Variants in GLG1 observed in about 807,000 individuals in gnomAD.
The protein encoded by GLG1 is Golgi apparatus protein 1.
A neutral mutation model predicts 160.5 loss-of-function variants in GLG1; 38 were observed. That is an observed-to-expected ratio of 0.24 (90% CI 0.18 to 0.31). The LOEUF (loss-of-function observed/expected upper bound fraction) is 0.31, where lower values mean the gene tolerates loss of function less well. Among genes scored for constraint, GLG1 ranks in the 10% least tolerant of loss-of-function variants. GLG1 has a pLI of 1.00. For synonymous variants in GLG1, 644 were observed against 543.4 expected (o/e 1.19, Z -2.57); for missense variants, 1,373 against 1,505.2 (o/e 0.91, Z 1.45).
chr16:74,606,982 T>C lies in GLG1; in HGVS notation c.113A>G (p.Gln38Arg). The change falls in exon 1 of 26, where the codon CAG becomes CGG. Residue 38 changes from glutamine to arginine, a missense_variant. Transcript: ENST00000422840. ...EKLPGQGVHS[Q>R]GQGPGANFVS... ...AAAGTTGGCCCCGGGACCCTGGCCC[T>C]GGCTGTGGACGCCCTGGCCGGGGAG... 2 of 1,607,868 alleles carry C rather than the reference T, an allele frequency of 1.2e-6. No individual in the cohort carries two copies. Among genetic ancestry groups the C allele is most frequent in the African/African-American group, 2.7e-5 (2 of 75,038 alleles).
chr16:74,540,768 T>C (rs567980118), intron 1 of GLG1, among the ~76,000 whole-genome samples: 16 of 151,972 alleles, frequency 1.1e-4, no homozygotes, highest in African/African-American at 3.4e-4. Flanking sequence ...CAAATGCTTG[T>C]TCAGATTCCA....
At chr16:74,603,308 G>A (rs910484858) in intron 1 of GLG1, among the ~76,000 whole-genome samples, 2 of 151,166 alleles carry the variant, frequency 1.3e-5, no homozygotes, top group African/African-American at 4.9e-5. Context: ...TACTTGGGAC[G>A]CTGAGGCAGA....
At chr16:74,462,379 T>G in intron 21 of GLG1, 109 bp downstream of exon 21, 2 of 1,079,260 alleles carry the variant, frequency 1.9e-6, no homozygotes, top group South Asian at 1.5e-5. Context: ...CGGGAAGATA[T>G]GAAAAAGGTC....
intron 1 of GLG1, among the ~76,000 whole-genome samples, chr16:74,592,589 G>A (rs965158147): frequency 6.6e-6 from 1 of 152,132 alleles, no homozygotes; most frequent in Non-Finnish European, 1.5e-5. Context: ...TAACAACAAA[G>A]GGGAAAGGGA....
chr16:74,461,382 T>A (rs2143173470), intron 22 of GLG1: 1 of 150,838 alleles, frequency 6.6e-6, no homozygotes, highest in East Asian at 2.0e-4. Context: ...TTAGCCAGGA[T>A]GGTCTCAATC....
In GLG1 at chr16:74,449,033, G is replaced by T; in HGVS notation, c.*4134C>A. On this transcript the variant is annotated 3_prime_UTR_variant, in exon 26 of 26. Transcript: ENST00000422840. ...GGACAATCGCTTGAACCAGGGAGTC[G>T]GAGGATTCGGTAAGCTGAGATAGCG... 1 of 151,100 alleles carries T rather than the reference G, an allele frequency of 6.6e-6. No homozygotes were observed. Among genetic ancestry groups the T allele is most frequent in the Non-Finnish European group, 1.5e-5 (1 of 67,750 alleles). 9.4% of individuals were successfully genotyped at this position (151,100 alleles called of 1,614,324 possible). A position where few individuals can be genotyped will look rare whatever the true frequency, so the allele number is the denominator to read the frequency against.
chr16:74,574,325 C>T (rs934118800), intron 1 of GLG1, among the ~76,000 whole-genome samples: 3 of 152,162 alleles, frequency 2.0e-5, no homozygotes, highest in East Asian at 1.9e-4. Flanking sequence ...TGTTCTTCTA[C>T]GGTATATTCA....
At chr16:74,467,282 T>C (rs2015033957) in intron 18 of GLG1, among the ~76,000 whole-genome samples, 1 of 152,204 alleles carries the variant, frequency 6.6e-6, no homozygotes, top group South Asian at 2.1e-4. Context: ...TTTTTAAAAA[T>C]CATTTGTTTG....
intron 1 of GLG1, among the ~76,000 whole-genome samples, chr16:74,588,048 G>A (rs1958091399): frequency 6.6e-6 from 1 of 151,380 alleles, no homozygotes. Flanking sequence ...TGAACCTGAA[G>A]ATCAGCAATA....
At chr16:74,492,577 G>A (rs1032837291) in intron 7 of GLG1, among the ~76,000 whole-genome samples, 2 of 151,542 alleles carry the variant, frequency 1.3e-5, no homozygotes, top group Non-Finnish European at 2.9e-5. Context: ...CAAGCACTTT[G>A]AGAGGCCAAG....
intron 11 of GLG1, among the ~76,000 whole-genome samples, chr16:74,478,493 G>T (rs1328339198): frequency 2.6e-5 from 4 of 152,192 alleles, no homozygotes; most frequent in Non-Finnish European, 1.5e-5. Context: ...GGGCAGGAGG[G>T]ATGGAAAGTA....
intron 1 of GLG1, among the ~76,000 whole-genome samples, chr16:74,567,364 C>T (rs1305049428): frequency 6.6e-6 from 1 of 152,058 alleles, no homozygotes; most frequent in Non-Finnish European, 1.5e-5. Context: ...ATTTGTAATG[C>T]CAGCGCTTTA....
chr16:74,591,457 T>A (rs1958181880), intron 1 of GLG1, among the ~76,000 whole-genome samples: 1 of 151,656 alleles, frequency 6.6e-6, no homozygotes, highest in African/African-American at 2.4e-5. Context: ...TGAAATCCCA[T>A]CTCTACTAAA....
chr16:74,511,511 G>A (rs2016801923), intron 2 of GLG1, among the ~76,000 whole-genome samples: 2 of 150,378 alleles, frequency 1.3e-5, no homozygotes, highest in Non-Finnish European at 2.9e-5. Flanking sequence ...AATTAGCCAG[G>A]CGTGGTGGTG....
intron 2 of GLG1, among the ~76,000 whole-genome samples, chr16:74,528,048 C>G (rs796099129): frequency 6.6e-6 from 1 of 151,378 alleles, no homozygotes. Flanking sequence ...CCACACCTGG[C>G]TAGCTTTTTT....
chr16:74,597,635 C>A (rs781282050), intron 1 of GLG1, among the ~76,000 whole-genome samples: 7 of 151,922 alleles, frequency 4.6e-5, no homozygotes, highest in Non-Finnish European at 7.4e-5. Context: ...TGGCGGATAA[C>A]GAGGTCAGGA....
rs543748390 is a variant in GLG1, at chr16:74,449,099, C to G, written c.*4068G>C. 1 of 152,386 alleles carries G rather than the reference C, an allele frequency of 6.6e-6. No homozygotes were observed. The highest frequency in any genetic ancestry group is 1.9e-4 in the East Asian group (1 of 5,188). 9.4% of individuals were successfully genotyped at this position (152,386 alleles called of 1,614,324 possible). On this transcript the variant is annotated 3_prime_UTR_variant, in exon 26 of 26. Transcript: ENST00000422840. Reference sequence around the variant, plus strand: ...CTGGCAACGGAGTGAGACTCCATCTCAGAAACAAAACAAAAAACCAAAAAA... The same window carrying G: ...CTGGCAACGGAGTGAGACTCCATCTGAGAAACAAAACAAAAAACCAAAAAA...
intron 6 of GLG1, 41 bp from the exon 7 acceptor site, chr16:74,493,181 T>G: frequency 7.0e-7 from 1 of 1,423,744 alleles, no homozygotes; most frequent in South Asian, 1.2e-5. Context: ...ACCACTCATG[T>G]AACTTTACTG....
chr16:74,540,407 G>T (rs1309944511), intron 1 of GLG1, among the ~76,000 whole-genome samples: 1 of 151,134 alleles, frequency 6.6e-6, no homozygotes, highest in African/African-American at 2.4e-5. Flanking sequence ...TTACTACCAG[G>T]AATTAGAAAC....
Sources: gnomAD v4.1 joint callset for allele counts (sites outside exome capture counted in the v4.1 genomes callset) on GRCh38, gnomAD v4.1.1 for gene constraint, MANE v1.5 for transcripts, NCBI Gene and HGNC (gene_info 2026-07-23, HGNC 2026-07-21) for gene names.